Variants in TIAM1 observed in about 807,000 individuals in gnomAD.
The protein encoded by TIAM1 is TIAM Rac1 associated GEF 1.
Under a neutral mutation model 163.5 loss-of-function variants are expected in TIAM1, and 65 were observed. The ratio of observed to expected loss-of-function variants is 0.40; its 90% CI spans 0.33 to 0.49. The LOEUF is 0.49. Ranked by LOEUF, TIAM1 falls within the 20% of genes least tolerant of loss-of-function variation. TIAM1 has a pLI of 0.77. For synonymous variants in TIAM1, 833 were observed against 810.1 expected (o/e 1.03, Z -0.48); for missense variants, 1,789 against 2,044.7 (o/e 0.87, Z 2.41).
intron 1 of TIAM1, among the ~76,000 whole-genome samples, chr21:31,512,942 C>A (rs1011959354): frequency 6.6e-6 from 1 of 151,958 alleles, no homozygotes; most frequent in Non-Finnish European, 1.5e-5. Flanking sequence ...CGGCACCCAG[C>A]CAAAGACAGT....
intron 2 of TIAM1, among the ~76,000 whole-genome samples, chr21:31,349,832 CTCTGCCT>C: frequency 6.6e-6 from 1 of 152,298 alleles, no homozygotes; most frequent in East Asian, 1.9e-4. Context: ...GAGCAAGTCC[CTCTGCCT>C]ACCCTTCGGT....
At chr21:31,396,542 AAAT>A (rs983340961) in intron 2 of TIAM1, among the ~76,000 whole-genome samples, 36 of 150,428 alleles carry the variant, frequency 2.4e-4, no homozygotes, top group African/African-American at 8.5e-4. Context: ...TAAATATAAA[AAAT>A]AATAATAATA....
chr21:31,552,081 G>A (rs769353723), intron 1 of TIAM1, among the ~76,000 whole-genome samples: 16 of 131,506 alleles, frequency 1.2e-4, no homozygotes, highest in African/African-American at 2.9e-4. Flanking sequence ...TTTTTGAGAC[G>A]GAGGCTCACT....
chr21:31,160,469 G>A lies in TIAM1; in HGVS notation c.2991+4493C>T, dbSNP rs2083860190. The A allele has an allele frequency of 2.5e-6, 1 of 398,520 alleles. No individual in the cohort carries two copies. Among genetic ancestry groups the A allele is most frequent in the African/African-American group, 2.1e-5 (1 of 48,640 alleles). 24.7% of individuals were successfully genotyped at this position (398,520 alleles called of 1,614,324 possible). A position where few individuals can be genotyped will look rare whatever the true frequency, so the allele number is the denominator to read the frequency against. The stretch of plus-strand genomic sequence containing the variant: ...CCAGATGAAGTGTTCGATACATAGA[G>A]TCACCGGACTTGTCATTGTTTTCAA... On this transcript the variant is annotated intron_variant, in intron 16 of 27. Transcript: ENST00000541036.
At chr21:31,436,496 G>A (rs1056677850) in intron 2 of TIAM1, among the ~76,000 whole-genome samples, 15 of 151,958 alleles carry the variant, frequency 9.9e-5, no homozygotes, top group Non-Finnish European at 1.5e-4. Flanking sequence ...GCATGGTTAC[G>A]CATGCCTGTA....
chr21:31,534,647 C>G (rs1206251356), intron 1 of TIAM1, among the ~76,000 whole-genome samples: 1 of 152,160 alleles, frequency 6.6e-6, no homozygotes, highest in African/African-American at 2.4e-5. Context: ...GTACTCCAGC[C>G]TGGGCAACAG....
chr21:31,422,081 A>T (rs931772017), intron 2 of TIAM1, among the ~76,000 whole-genome samples: 2 of 152,196 alleles, frequency 1.3e-5, no homozygotes, highest in Non-Finnish European at 2.9e-5. Context: ...CAACACCTTG[A>T]CTTCAGGCTT....
chr21:31,298,796 CAAT>C (rs1246916637), intron 2 of TIAM1, among the ~76,000 whole-genome samples: 31 of 102,898 alleles, frequency 3.0e-4, no homozygotes, highest in African/African-American at 1.5e-3. Context: ...GAAAAAAAAA[CAAT>C]GAGAGAGAGA....
chr21:31,546,419 G>A (rs1435384146), intron 1 of TIAM1, among the ~76,000 whole-genome samples: 3 of 152,000 alleles, frequency 2.0e-5, no homozygotes, highest in Middle Eastern at 3.4e-3. Context: ...GCATGGTGGC[G>A]CATGCCTGTA....
At chr21:31,498,679 C>T (rs2046746589) in intron 1 of TIAM1, among the ~76,000 whole-genome samples, 1 of 152,202 alleles carries the variant, frequency 6.6e-6, no homozygotes, top group East Asian at 1.9e-4. Context: ...GACACGGTGG[C>T]TCACGCCTGT....
At chr21:31,451,526 T>C (rs1035955054) in intron 2 of TIAM1, among the ~76,000 whole-genome samples, 1 of 152,106 alleles carries the variant, frequency 6.6e-6, no homozygotes, top group Non-Finnish European at 1.5e-5. Context: ...CCAGAGTCTG[T>C]AGTTCAGAGA....
At chr21:31,506,053 A>G (rs1043616418) in intron 1 of TIAM1, among the ~76,000 whole-genome samples, 7 of 150,490 alleles carry the variant, frequency 4.7e-5, no homozygotes, top group Non-Finnish European at 1.0e-4. Context: ...ACAACAGGAA[A>G]CGACCAACTT....
intron 2 of TIAM1, among the ~76,000 whole-genome samples, chr21:31,400,204 T>C (rs2077142367): frequency 6.6e-6 from 1 of 152,020 alleles, no homozygotes; most frequent in African/African-American, 2.4e-5. Flanking sequence ...CTTGGCTCAC[T>C]GCAACCTCCA....
At chr21:31,219,737 A>C (rs907744909) in intron 8 of TIAM1, among the ~76,000 whole-genome samples, 3 of 150,136 alleles carry the variant, frequency 2.0e-5, no homozygotes, top group African/African-American at 2.5e-5. Context: ...ACGTTAAAAA[A>C]ACAAAACAAA....
chr21:31,412,205 C>G (rs1454708674), intron 2 of TIAM1, among the ~76,000 whole-genome samples: 4 of 152,190 alleles, frequency 2.6e-5, no homozygotes, highest in African/African-American at 9.6e-5. Context: ...GTGCTCACTT[C>G]TAAGTCGGAG....
At position 31,395,107 on chromosome 21, in the gene TIAM1, G is replaced by A. The variant is rs1259981747; in HGVS notation, c.-368-55685C>T. ...ACAAACATTAGCCAGGCATGGTGGC[G>A]CGTGCCTGTAGTCCCAGCTACTTGG... On this transcript the variant is annotated intron_variant, in intron 2 of 28. Transcript: ENST00000286827. The surrounding 1 kb of genome is among the most constrained non-coding windows in gnomAD (Gnocchi z 7.5). 3.9e-5 allele frequency among the ~76,000 whole-genome samples: 6 copies of A among 152,104 alleles called. No individual in the cohort carries two copies. The highest frequency in any genetic ancestry group is 2.1e-4 in the South Asian group (1 of 4,808).
chr21:31,175,783 G>A (rs1457138971), intron 15 of TIAM1, among the ~76,000 whole-genome samples: 1 of 152,112 alleles, frequency 6.6e-6, no homozygotes, highest in African/African-American at 2.4e-5. Flanking sequence ...ATGTTTAGTA[G>A]AGACGGGGTT....
intron 16 of TIAM1, among the ~76,000 whole-genome samples, chr21:31,162,216 T>C (rs1282362892): frequency 6.6e-6 from 1 of 152,190 alleles, no homozygotes; most frequent in East Asian, 1.9e-4. Context: ...TGCCCTCATC[T>C]ATAAAATAGG....
At chr21:31,391,518 G>A (rs949821828) in intron 2 of TIAM1, among the ~76,000 whole-genome samples, 36 of 151,988 alleles carry the variant, frequency 2.4e-4, no homozygotes, top group Admixed American at 6.6e-4. Flanking sequence ...CCAGCTACTC[G>A]GGAGGCTGAG....
Sources: gnomAD v4.1 joint callset for allele counts (sites outside exome capture counted in the v4.1 genomes callset) on GRCh38, gnomAD v4.1.1 for gene constraint, Gnocchi (gnomAD v3.1) non-coding constraint, MANE v1.5 for transcripts, NCBI Gene and HGNC (gene_info 2026-07-23, HGNC 2026-07-21) for gene names.